ROR1: variants seen among roughly 807,000 people sequenced by gnomAD.
ROR1 encodes ROR family WNT receptor 1.
A neutral mutation model predicts 78.8 loss-of-function variants in ROR1; 19 were observed. The observed-to-expected ratio is 0.24, with a 90% CI of 0.17 to 0.35. The LOEUF is 0.35. ROR1 is among the 10% of genes least tolerant of loss of function. The pLI, the probability that ROR1 is intolerant of heterozygous loss-of-function variation, is 1.00. For missense variants in ROR1, 917 were observed against 1,177.8 expected (o/e 0.78, Z 3.24); for synonymous variants, 386 against 433.6 (o/e 0.89, Z 1.36).
At chr1:63,795,486 T>A (rs1388950350) in intron 1 of ROR1, among the ~76,000 whole-genome samples, 1 of 152,180 alleles carries the variant, frequency 6.6e-6, no homozygotes, top group Non-Finnish European at 1.5e-5. Context: ...AGGTGCTGGA[T>A]CTGACACTGG....
intron 1 of ROR1, among the ~76,000 whole-genome samples, chr1:63,804,587 C>T (rs1049386355): frequency 9.2e-5 from 14 of 152,194 alleles, no homozygotes; most frequent in Non-Finnish European, 5.9e-5. Flanking sequence ...GACATCTGTT[C>T]AGGGACCCTT....
At chr1:64,115,571 T>C (rs1477692853) in intron 4 of ROR1, among the ~76,000 whole-genome samples, 2 of 151,720 alleles carry the variant, frequency 1.3e-5, no homozygotes, top group East Asian at 1.9e-4. Context: ...TTACCTCTTA[T>C]GGTTGTAACG....
At chr1:64,117,117 A>G (rs143948373) in intron 4 of ROR1, among the ~76,000 whole-genome samples, 1 of 152,232 alleles carries the variant, frequency 6.6e-6, no homozygotes, top group African/African-American at 2.4e-5. Context: ...TCTGCTAAAC[A>G]TTTTTGGGGC....
intron 1 of ROR1, among the ~76,000 whole-genome samples, chr1:63,955,665 A>G (rs950430975): frequency 2.6e-5 from 4 of 152,154 alleles, no homozygotes; most frequent in Non-Finnish European, 5.9e-5. Context: ...AGTTTCATTT[A>G]TCCCCCAGGA....
rs1188704501 is a variant in ROR1, at chr1:63,820,512, A to C, written c.91+46004A>C. Among the ~76,000 whole-genome samples, 3 of 152,168 alleles carry C rather than the reference A, an allele frequency of 2.0e-5. No individual in the cohort carries two copies. The East Asian group carries it at 5.8e-4, about 29-fold the overall frequency. On this transcript the variant is annotated intron_variant, in intron 1 of 8. Transcript: ENST00000371079. The stretch of plus-strand genomic sequence containing the variant: ...AGTAGAACTGAAATCCTAGTCTAGC[A>C]CCTGAAAAGAGTGAATTTTGCCTTC...
intron 1 of ROR1, among the ~76,000 whole-genome samples, chr1:63,964,595 C>T (rs926349606): frequency 3.3e-5 from 5 of 152,124 alleles, no homozygotes; most frequent in East Asian, 3.9e-4. Flanking sequence ...AGTTGATCTT[C>T]GAGGGTTCTG....
chr1:63,786,108 T>A (rs1644683307), intron 1 of ROR1, among the ~76,000 whole-genome samples: 1 of 151,966 alleles, frequency 6.6e-6, no homozygotes, highest in Non-Finnish European at 1.5e-5. Flanking sequence ...AGTTGCTGCC[T>A]AGGACTGTGC....
intron 1 of ROR1, among the ~76,000 whole-genome samples, chr1:63,966,056 G>T (rs1164482393): frequency 2.6e-5 from 4 of 152,200 alleles, no homozygotes; most frequent in African/African-American, 7.2e-5. Context: ...TAGAGCTTGG[G>T]TGTAGTGCCT....
In ROR1 at chr1:64,140,176, C is replaced by A. The variant is rs1649255502; in HGVS notation, c.678C>A (p.Ser226=). ...AGTGTTCTCAGTTCGCCATTCCTTC[C>A]CTGTGCCACTATGCCTTCCCGTACT... ...SDKCSQFAIP[S]LCHYAFPYCD... is the part of the protein sequence containing the mutation. Residue 226 remains serine (S), a synonymous_variant, in exon 6 of 9, where the codon TCC becomes TCA. Transcript: ENST00000371079. 6.2e-7 allele frequency: 1 copy of A among 1,613,966 alleles called. No homozygotes were observed. Among genetic ancestry groups the A allele is most frequent in the African/African-American group, 1.3e-5 (1 of 74,890 alleles).
chr1:64,041,612 C>T (rs916980403), intron 2 of ROR1, among the ~76,000 whole-genome samples: 1 of 152,096 alleles, frequency 6.6e-6, no homozygotes, highest in Non-Finnish European at 1.5e-5. Context: ...TTTGCAGAAC[C>T]ATTCTTAATG....
Position 64,137,370 on chromosome 1 carries a change from G to A in ROR1, c.484G>A (p.Asp162Asn). The A allele has an allele frequency of 1.2e-6, 2 of 1,613,912 alleles. No individual in the cohort carries two copies. The highest frequency in any genetic ancestry group is 8.5e-7 in the Non-Finnish European group (1 of 1,179,864). The change falls in exon 5 of 9, where the codon GAT (aspartate) becomes AAT (asparagine). Residue 162 changes from aspartate to asparagine, a missense_variant and splice_region_variant. Physicochemically the swap from Asp to Asn is conservative, Grantham distance 23. This residue lies in a region of ROR1 where 835 missense variants were observed against 1,069.8 expected (regional missense o/e 0.78). Transcript: ENST00000371079. ...PPPTASPGYS[D>N]EYEEDGFCQP... ...ATGTCTGTCTATGCTTTCTTTCAGA[G>A]ATGAGTATGAAGAAGATGGATTCTG...
At chr1:64,020,682 T>G (rs1179999609) in intron 2 of ROR1, among the ~76,000 whole-genome samples, 4 of 152,186 alleles carry the variant, frequency 2.6e-5, no homozygotes, top group Non-Finnish European at 1.5e-5. Context: ...GTTTGAGGGC[T>G]TACAGCTCCA....
chr1:63,800,877 G>T (rs549379562), intron 1 of ROR1, among the ~76,000 whole-genome samples: 2 of 152,198 alleles, frequency 1.3e-5, no homozygotes, highest in Admixed American at 6.5e-5. Context: ...TTGAATCCCA[G>T]AGCTGCCACT....
In ROR1 at chr1:63,921,525, G is replaced by A. The variant is rs748086463; in HGVS notation, c.92-87780G>A. Among the ~76,000 whole-genome samples, 51 of 151,542 alleles carry A rather than the reference G, an allele frequency of 3.4e-4. 1 individual carries two copies. Among genetic ancestry groups the A allele is most frequent in the Admixed American group, 7.9e-4 (12 of 15,248 alleles). On this transcript the variant is annotated intron_variant, in intron 1 of 8. Transcript: ENST00000371079. ...CCAGTTTAACATGATCATTATGGTT[G>A]TTGTCGCTACCATGTGCACCAAAGG...
intron 2 of ROR1, among the ~76,000 whole-genome samples, chr1:64,048,958 A>G (rs1467926496): frequency 6.6e-6 from 1 of 152,206 alleles, no homozygotes; most frequent in East Asian, 1.9e-4. Flanking sequence ...AGATAGGGAC[A>G]TTTGTTACAT....
chr1:63,788,953 G>A lies in ROR1; in HGVS notation c.91+14445G>A, dbSNP rs1181212989. 1.1e-5 allele frequency: 8 copies of A among 711,242 alleles called. No individual in the cohort carries two copies. In the African/African-American group the frequency reaches 1.4e-4, roughly 13 times the overall value. The allele number at this position is 711,242 out of a possible 1,614,324, so 44.1% of individuals were successfully genotyped here. ...TTCAGGTACAGGCTGTGATACATGA[G>A]GTGATCAATCTTCTTAGATATGCGG... On this transcript the variant is annotated intron_variant, in intron 1 of 8. Coordinates refer to ENST00000371079, the MANE Select transcript of ROR1 (RefSeq NM_005012.4).
chr1:63,790,012 C>T (rs1369161665), intron 1 of ROR1, among the ~76,000 whole-genome samples: 2 of 152,142 alleles, frequency 1.3e-5, no homozygotes, highest in East Asian at 1.9e-4. Context: ...TTCCCCCACC[C>T]ATCAGCTACA....
intron 4 of ROR1, among the ~76,000 whole-genome samples, chr1:64,136,046 G>T (rs1337503826): frequency 6.6e-6 from 1 of 152,148 alleles, no homozygotes; most frequent in African/African-American, 2.4e-5. Context: ...CGATGTGGGA[G>T]CTTAGTAAAT....
chr1:63,956,358 T>C (rs1361996543), intron 1 of ROR1, among the ~76,000 whole-genome samples: 1 of 152,030 alleles, frequency 6.6e-6, no homozygotes, highest in Non-Finnish European at 1.5e-5. Context: ...CTCAGGAAGC[T>C]GAAGAGGAAA....
Sources: allele counts gnomAD v4.1 joint callset (sites outside exome capture counted in the v4.1 genomes callset), GRCh38; gene constraint gnomAD v4.1.1; regional missense constraint gnomAD v4.1.1; transcripts MANE v1.5; gene names NCBI Gene and HGNC (gene_info 2026-07-23, HGNC 2026-07-21).